NRXN3: variants seen among roughly 807,000 people sequenced by gnomAD.
NRXN3 encodes the protein neurexin 3, also known as neurexin III.
Under a neutral mutation model 137.6 loss-of-function variants are expected in NRXN3, and 32 were observed. The observed-to-expected ratio is 0.23, with a 90% CI of 0.18 to 0.31. NRXN3 has a LOEUF of 0.31. Ranked by LOEUF, NRXN3 falls within the 10% of genes least tolerant of loss-of-function variation. The probability of loss-of-function intolerance (pLI) is 1.00; values close to 1 mark genes in which losing one functional copy is unlikely to be tolerated. For synonymous variants in NRXN3, 798 were observed against 784.5 expected, an observed-to-expected ratio of 1.02 and a Z score of -0.29; for missense variants, 1,574 against 2,062.5, an observed-to-expected ratio of 0.76 and a Z score of 4.59.
At chr14:79,014,029 A>G (rs1259453185) in intron 15 of NRXN3, among the ~76,000 whole-genome samples, 1 of 152,190 alleles carries the variant, frequency 6.6e-6, no homozygotes, top group Non-Finnish European at 1.5e-5. Context: ...AGAATCAAAG[A>G]TGGTTGGCAC....
chr14:78,987,019 CAAAAAAA>C (rs36081362), intron 14 of NRXN3, among the ~76,000 whole-genome samples: 43 of 54,116 alleles, frequency 7.9e-4, no homozygotes, highest in Middle Eastern at 0.029. Context: ...GAGACTGTCT[CAAAAAAA>C]AAAAAAAAAA....
rs1224137386 is a variant in NRXN3, at chr14:78,898,946, G to A, written c.2276-58296G>A. ...AGGTTCATAGTAGCCTCACGCTCTG[G>A]GTTCCATCATGCTTCTTGGGAGAGA... is the stretch of plus-strand genomic sequence containing the variant. On this transcript the variant is annotated intron_variant, in intron 10 of 20. Coordinates refer to ENST00000335750, the MANE Select transcript of NRXN3 (RefSeq NM_001330195.2). Among the ~76,000 whole-genome samples, 6 of 151,962 alleles carry A rather than the reference G, an allele frequency of 3.9e-5. No homozygotes were observed. The South Asian group carries it at 6.2e-4, about 16-fold the overall frequency.
intron 15 of NRXN3, among the ~76,000 whole-genome samples, chr14:79,163,106 A>G (rs545578782): frequency 6.6e-6 from 1 of 151,982 alleles, no homozygotes; most frequent in East Asian, 1.9e-4. Flanking sequence ...CTGCTTTTCA[A>G]ACAGAGAACC....
chr14:78,402,138 G>A (rs568291391), intron 4 of NRXN3, among the ~76,000 whole-genome samples: 1 of 152,258 alleles, frequency 6.6e-6, no homozygotes, highest in Non-Finnish European at 1.5e-5. Flanking sequence ...GTGTTCTTCT[G>A]AATATTGAAA....
At chr14:79,034,298 C>A (rs886466698) in intron 15 of NRXN3, among the ~76,000 whole-genome samples, 1 of 148,018 alleles carries the variant, frequency 6.8e-6, no homozygotes, top group African/African-American at 2.5e-5. Flanking sequence ...TTCTGTTAAG[C>A]CATAAACCAT....
intron 3 of NRXN3, among the ~76,000 whole-genome samples, chr14:78,285,982 C>T (rs2075123988): frequency 6.6e-6 from 1 of 152,182 alleles, no homozygotes; most frequent in Admixed American, 6.5e-5. Context: ...GAGTAAGGAG[C>T]TGCTTCTCAA....
intron 16 of NRXN3, among the ~76,000 whole-genome samples, chr14:79,613,737 G>A (rs221513): frequency 0.37 from 55,762 of 152,050 alleles, 14,830 homozygotes; most frequent in African/African-American, 0.76. Context: ...TTGCCCACCA[G>A]GAGCTAGGCA....
intron 1 of NRXN3, among the ~76,000 whole-genome samples, chr14:78,240,799 G>A (rs1414047598): frequency 6.6e-6 from 1 of 152,092 alleles, no homozygotes; most frequent in East Asian, 1.9e-4. Context: ...TTTGTTCATT[G>A]GGAATAGGTG....
chr14:78,453,911 A>C (rs1482000662), intron 4 of NRXN3, among the ~76,000 whole-genome samples: 2 of 152,194 alleles, frequency 1.3e-5, no homozygotes, highest in African/African-American at 4.8e-5. Flanking sequence ...CTCGGAAATA[A>C]CCAGCTCTGA....
rs535593049 is a variant in NRXN3, at chr14:78,189,933, T to A, written c.-704+19259T>A. Among the ~76,000 whole-genome samples the A allele has an allele frequency of 1.9e-3, 288 of 152,238 alleles. 2 individuals are homozygous for A. Among genetic ancestry groups the A allele is most frequent in the Non-Finnish European group, 2.3e-3 (159 of 68,046 alleles). On this transcript the variant is annotated intron_variant, in intron 1 of 20. Transcript: ENST00000335750. ...ACAGCACTTTCCTCCCCTAGCACTC[T>A]GGCCGTCCTTACCGTACTTCGTATT...
At chr14:79,793,685 C>A (rs777315295) in intron 19 of NRXN3, among the ~76,000 whole-genome samples, 1 of 152,186 alleles carries the variant, frequency 6.6e-6, no homozygotes, top group Non-Finnish European at 1.5e-5. Context: ...AATAGAATTT[C>A]TTTTCTCTTT....
At chr14:79,702,939 G>A (rs982967027) in intron 19 of NRXN3, among the ~76,000 whole-genome samples, 4 of 134,260 alleles carry the variant, frequency 3.0e-5, no homozygotes, top group African/African-American at 1.1e-4. Context: ...AAAAAAAAAA[G>A]CTCAGTGTGT....
chr14:78,391,753 C>T (rs2090808125), intron 4 of NRXN3, among the ~76,000 whole-genome samples: 1 of 152,148 alleles, frequency 6.6e-6, no homozygotes, highest in African/African-American at 2.4e-5. Context: ...TTTTAAAAGT[C>T]ATATATATTT....
chr14:78,626,937 C>G (rs768282349), intron 4 of NRXN3, among the ~76,000 whole-genome samples: 7 of 152,270 alleles, frequency 4.6e-5, no homozygotes, highest in African/African-American at 7.2e-5. Context: ...TTTCCCCTAC[C>G]AGCATGGCTC....
At chr14:79,801,818 G>T (rs2099182362) in intron 19 of NRXN3, among the ~76,000 whole-genome samples, 1 of 152,024 alleles carries the variant, frequency 6.6e-6, no homozygotes, top group Non-Finnish European at 1.5e-5. Flanking sequence ...GAGGGTTAAA[G>T]GTGGAAAAAG....
At chr14:78,533,222 A>G (rs2096493297) in intron 4 of NRXN3, among the ~76,000 whole-genome samples, 1 of 150,964 alleles carries the variant, frequency 6.6e-6, no homozygotes, top group African/African-American at 2.4e-5. Context: ...CCTCCCAAGT[A>G]GCTGGGACTA....
chr14:79,048,978 G>A (rs2099637239), intron 15 of NRXN3, among the ~76,000 whole-genome samples: 1 of 132,188 alleles, frequency 7.6e-6, no homozygotes, highest in Non-Finnish European at 1.6e-5. Flanking sequence ...AGTCGAGATC[G>A]CGCCACTGCA....
At chr14:78,512,682 A>T (rs1356042332) in intron 4 of NRXN3, among the ~76,000 whole-genome samples, 3 of 152,186 alleles carry the variant, frequency 2.0e-5, no homozygotes, top group Non-Finnish European at 4.4e-5. Context: ...TCACAGGAAG[A>T]TAGAGAAAAG....
intron 8 of NRXN3, among the ~76,000 whole-genome samples, chr14:78,756,494 G>A (rs563128186): frequency 1.3e-4 from 20 of 149,856 alleles, no homozygotes; most frequent in Non-Finnish European, 2.5e-4. Context: ...CAGAGCCTGG[G>A]TGGCTCTGAT....
Sources: allele counts gnomAD v4.1 joint callset (sites outside exome capture counted in the v4.1 genomes callset), GRCh38; gene constraint gnomAD v4.1.1; transcripts MANE v1.5; gene names NCBI Gene and HGNC (gene_info 2026-07-23, HGNC 2026-07-21).